Variants in LAMA2 observed in about 807,000 individuals in gnomAD.
LAMA2 encodes laminin subunit alpha 2.
Under a neutral mutation model 364.8 loss-of-function variants are expected in LAMA2, and 269 were observed. The observed-to-expected ratio is 0.74, with a 90% CI of 0.67 to 0.82. LAMA2 has a LOEUF of 0.82. Among genes scored for constraint, LAMA2 ranks in the 40% least tolerant of loss-of-function variants. The pLI is 0.00. For missense variants in LAMA2, 3,807 were observed against 3,873.2 expected (o/e 0.98, Z 0.45); for synonymous variants, 1,379 against 1,370.6 (o/e 1.01, Z -0.14).
At chr6:129,282,358 A>G (rs1176300000) in intron 18 of LAMA2, among the ~76,000 whole-genome samples, 2 of 152,190 alleles carry the variant, frequency 1.3e-5, no homozygotes, top group Admixed American at 1.3e-4. Flanking sequence ...TTATAACTTT[A>G]TAGTCTTTAT....
rs78036854 is a variant in LAMA2 at position 128,962,489 on chromosome 6, T to G, written c.112+79132T>G. Among the ~76,000 whole-genome samples, 438 of 152,162 alleles carry G rather than the reference T, an allele frequency of 2.9e-3. 2 individuals carry two copies. The highest frequency in any genetic ancestry group is 0.01 in the African/African-American group (421 of 41,544). Reference sequence around the variant, plus strand: ...AGAGGTTCTTTAACTGCATGACTATTGTGAGGAGGATACTTATGAGTTGTT... The same window carrying G: ...AGAGGTTCTTTAACTGCATGACTATGGTGAGGAGGATACTTATGAGTTGTT... On this transcript the variant is annotated intron_variant, in intron 1 of 64. Coordinates refer to ENST00000421865, the MANE Select transcript of LAMA2 (RefSeq NM_000426.4).
intron 3 of LAMA2, among the ~76,000 whole-genome samples, chr6:129,073,885 G>A (rs1350320704): frequency 6.6e-6 from 1 of 152,042 alleles, no homozygotes; most frequent in Non-Finnish European, 1.5e-5. Context: ...TGACAAGCTT[G>A]GTCGTTTTTG....
chr6:129,300,589 G>C, intron 21 of LAMA2, 147 bp from the exon 22 acceptor site: 1 of 765,050 alleles, frequency 1.3e-6, no homozygotes, highest in Non-Finnish European at 2.3e-6. Flanking sequence ...TATAAAAGAT[G>C]AATGAAGTAA....
chr6:129,289,671 GTAAT>G (rs1262426978), intron 19 of LAMA2, among the ~76,000 whole-genome samples: 7 of 151,570 alleles, frequency 4.6e-5, no homozygotes, highest in South Asian at 2.1e-4. Flanking sequence ...TTTTATTATG[GTAAT>G]TAATTATTGT....
chr6:129,090,794 G>A (rs546304649), intron 3 of LAMA2, among the ~76,000 whole-genome samples: 1 of 152,196 alleles, frequency 6.6e-6, no homozygotes, highest in South Asian at 2.1e-4. Context: ...AAAATATCTG[G>A]GTGTCTCTTT....
chr6:128,963,252 G>T (rs1224293705), intron 1 of LAMA2, among the ~76,000 whole-genome samples: 2 of 152,174 alleles, frequency 1.3e-5, no homozygotes, highest in South Asian at 2.1e-4. Context: ...ATACTAAGTT[G>T]TTCACAACTG....
rs574842541 is a variant in LAMA2 at position 128,922,278 on chromosome 6, G to A, written c.112+38921G>A. On this transcript the variant is annotated intron_variant, in intron 1 of 64. Coordinates refer to ENST00000421865, the MANE Select transcript of LAMA2 (RefSeq NM_000426.4). ...TCTAGTTCTAGATCCCTGAGGAATCGCCACACTGACTTCCACAATGGTTGA... is the reference window on the plus strand; with the variant it reads ...TCTAGTTCTAGATCCCTGAGGAATCACCACACTGACTTCCACAATGGTTGA... Among the ~76,000 whole-genome samples, 1,447 of 150,484 alleles carry A rather than the reference G, an allele frequency of 9.6e-3. 26 individuals are homozygous for A. Among genetic ancestry groups the A allele is most frequent in the African/African-American group, 0.033 (1,356 of 40,666 alleles).
intron 17 of LAMA2, among the ~76,000 whole-genome samples, chr6:129,272,771 A>C (rs1455545545): frequency 1.3e-5 from 2 of 152,156 alleles, no homozygotes; most frequent in Non-Finnish European, 2.9e-5. Context: ...CTAACAGATC[A>C]GGCAGGCATT....
chr6:128,919,594 A>T (rs1227039429), intron 1 of LAMA2, among the ~76,000 whole-genome samples: 1 of 152,196 alleles, frequency 6.6e-6, no homozygotes. Context: ...TCAGGCCACC[A>T]TCATCTCACA....
chr6:129,208,576 G>T (rs369628508), intron 12 of LAMA2, among the ~76,000 whole-genome samples: 29 of 142,662 alleles, frequency 2.0e-4, no homozygotes, highest in South Asian at 6.6e-4. Context: ...GAAAGAAAGA[G>T]AAAGAAAGGA....
intron 62 of LAMA2, among the ~76,000 whole-genome samples, chr6:129,510,004 G>A (rs1786439899): frequency 6.6e-6 from 1 of 151,916 alleles, no homozygotes; most frequent in South Asian, 2.1e-4. Context: ...GTGCCCTCTT[G>A]AATTTCTTGC....
intron 8 of LAMA2, chr6:129,157,804 T>A (rs1196481529): frequency 3.9e-5 from 63 of 1,613,420 alleles, no homozygotes; most frequent in Non-Finnish European, 5.1e-5. Flanking sequence ...CGACGAGCCA[T>A]CTCCCAAATG....
At chr6:128,929,301 C>G in intron 1 of LAMA2, 1 of 1,258,544 alleles carries the variant, frequency 7.9e-7, no homozygotes, top group South Asian at 1.2e-5. Flanking sequence ...GCCCACATGT[C>G]CCACAGCTCA....
At chr6:129,218,076 A>T (rs182656061) in intron 12 of LAMA2, among the ~76,000 whole-genome samples, 51 of 152,280 alleles carry the variant, frequency 3.3e-4, no homozygotes, top group African/African-American at 1.2e-3. Flanking sequence ...TCAAAACTTA[A>T]ATCAGATGAC....
At chr6:128,997,416 T>C (rs1454628314) in intron 1 of LAMA2, among the ~76,000 whole-genome samples, 1 of 151,578 alleles carries the variant, frequency 6.6e-6, no homozygotes, top group Admixed American at 6.6e-5. Context: ...GGATGGCCAA[T>C]GTGACTAGAG....
rs187851 is a variant in LAMA2 at position 129,270,370 on chromosome 6, C to T, written c.2323-254C>T. On this transcript the variant is annotated intron_variant, in intron 16 of 64. Transcript: ENST00000421865. The stretch of plus-strand genomic sequence containing the variant: ...TAAAGAAAAAATGAAGTAAGATTTG[C>T]ATAATGAAAAACATTAAAATGAATT... 0.088 allele frequency among the ~76,000 whole-genome samples: 13,383 copies of T among 151,404 alleles called. 1,000 individuals carry two copies. Among genetic ancestry groups the T allele is most frequent in the East Asian group, 0.43 (2,226 of 5,154 alleles).
At chr6:129,445,248 G>T (rs1264625015) in intron 44 of LAMA2, among the ~76,000 whole-genome samples, 1 of 152,142 alleles carries the variant, frequency 6.6e-6, no homozygotes, top group Non-Finnish European at 1.5e-5. Flanking sequence ...AACCAATTTT[G>T]TGTAAAAACC....
intron 1 of LAMA2, among the ~76,000 whole-genome samples, chr6:128,885,233 T>A (rs1776079340): frequency 6.6e-6 from 1 of 152,212 alleles, no homozygotes; most frequent in Non-Finnish European, 1.5e-5. Context: ...CAAGGATAAA[T>A]GACTTAAACC....
chr6:129,413,678 GA>G (rs1304327826), intron 40 of LAMA2, among the ~76,000 whole-genome samples: 1 of 151,908 alleles, frequency 6.6e-6, no homozygotes, highest in African/African-American at 2.4e-5. Context: ...CATGGCTTGA[GA>G]AAAAAACACA....
Sources: allele counts gnomAD v4.1 joint callset (sites outside exome capture counted in the v4.1 genomes callset), GRCh38; gene constraint gnomAD v4.1.1; transcripts MANE v1.5; gene names NCBI Gene and HGNC (gene_info 2026-07-23, HGNC 2026-07-21).